Variants in LAMA4 observed in about 807,000 individuals in gnomAD.
LAMA4 encodes the protein laminin subunit alpha-4.
In LAMA4, 127 loss-of-function variants were observed where a neutral mutation model predicts 207.1. That is an observed-to-expected ratio of 0.61 (90% CI 0.53 to 0.71). The LOEUF (loss-of-function observed/expected upper bound fraction) is 0.71, where lower values mean the gene tolerates loss of function less well. LAMA4 is among the 30% of genes least tolerant of loss of function. LAMA4 has a pLI of 0.00. For synonymous variants in LAMA4, 761 were observed against 816.0 expected, an observed-to-expected ratio of 0.93 and a Z score of 1.15; for missense variants, 2,093 against 2,246.5, an observed-to-expected ratio of 0.93 and a Z score of 1.38.
At chr6:112,253,788 T>C (rs781935724) in intron 2 of LAMA4, 168 bp downstream of exon 2, 1 of 1,614,106 alleles carries the variant, frequency 6.2e-7, no homozygotes, top group South Asian at 1.1e-5. Context: ...CAAATGCAAC[T>C]TACAAAGGAA....
chr6:112,191,807 T>A lies in LAMA4; in HGVS notation c.547A>T (p.Thr183Ser). 1 of 1,614,116 alleles carries A rather than the reference T, an allele frequency of 6.2e-7. No individual in the cohort carries two copies. Among genetic ancestry groups the A allele is most frequent in the Non-Finnish European group, 8.5e-7 (1 of 1,180,000 alleles). The change falls in exon 6 of 39, where the codon ACC (threonine) becomes TCC (serine). Residue 183 changes from threonine (T) to serine (S), a missense_variant. By Grantham distance (58) the Thr-to-Ser change is moderately conservative (BLOSUM62 1). Around this residue, in one of 3 missense-constraint regions of LAMA4, gnomAD observed 1,704 missense variants for 1,788.4 expected, o/e 0.95. Coordinates refer to ENST00000230538, the MANE Select transcript of LAMA4 (RefSeq NM_001105206.3). ...CCACTGCAGTCACATTTCTTACAGGTGCTTCCAATGAGTAAGGGGTTTCCA... is the reference window on the plus strand; with the variant it reads ...CCACTGCAGTCACATTTCTTACAGGAGCTTCCAATGAGTAAGGGGTTTCCA... ...YYGNPLLIGS[T>S]CKKCDCSGNS...
chr6:112,204,292 G>C (rs1554353448), intron 4 of LAMA4, among the ~76,000 whole-genome samples: 1 of 152,146 alleles, frequency 6.6e-6, no homozygotes, highest in African/African-American at 2.4e-5. Context: ...ATAAATATCT[G>C]ATTGCATGTA....
At chr6:112,144,450 T>C (rs1554333997) in intron 19 of LAMA4, among the ~76,000 whole-genome samples, 1 of 152,232 alleles carries the variant, frequency 6.6e-6, no homozygotes, top group Non-Finnish European at 1.5e-5. Flanking sequence ...AATTGAGGCT[T>C]TTATTGAGGC....
intron 26 of LAMA4, 122 bp downstream of exon 26, chr6:112,134,345 G>T: frequency 1.1e-6 from 1 of 923,768 alleles, no homozygotes; most frequent in South Asian, 1.4e-5. Context: ...GTGTGTACCT[G>T]TGCCTGTCCC....
At chr6:112,229,038 C>T (rs73764718) in intron 2 of LAMA4, among the ~76,000 whole-genome samples, 4,546 of 152,252 alleles carry the variant, frequency 0.03, 219 homozygotes, top group African/African-American at 0.1. Flanking sequence ...AGGACTCTTT[C>T]AAATAATCAA....
chr6:112,178,171 T>C lies in LAMA4; in HGVS notation c.1139A>G (p.His380Arg), dbSNP rs1554344428. The change falls in exon 10 of 39, where the codon CAC becomes CGC. Residue 380 changes from histidine (H) to arginine (R), a missense_variant. Transcript: ENST00000230538. ...GGCTTGCTCTACCAGCTGACTTGCG[T>C]GGTTAATGGTGTCCATGCTTTCCTT... ...VQKESMDTIN[H>R]ASQLVEQAHD... 1.2e-6 allele frequency: 2 copies of C among 1,613,954 alleles called. No individual in the cohort carries two copies. Among genetic ancestry groups the C allele is most frequent in the East Asian group, 2.2e-5 (1 of 44,866 alleles).
At chr6:112,220,249 A>T (rs1554360146) in intron 2 of LAMA4, among the ~76,000 whole-genome samples, 1 of 152,190 alleles carries the variant, frequency 6.6e-6, no homozygotes, top group East Asian at 1.9e-4. Flanking sequence ...TTTATTATTA[A>T]GAGACTCCTA....
intron 6 of LAMA4, 66 bp from the exon 7 acceptor site, chr6:112,189,271 C>T (rs1007683406): frequency 2.6e-6 from 3 of 1,136,262 alleles, no homozygotes; most frequent in Non-Finnish European, 2.7e-6. Context: ...GCAATATTTT[C>T]CTGGTTTCTA....
chr6:112,133,036 C>A, intron 27 of LAMA4, 146 bp from the exon 28 acceptor site: 2 of 866,628 alleles, frequency 2.3e-6, no homozygotes, highest in Non-Finnish European at 3.7e-6. Context: ...GGAATTCAGG[C>A]ATACACTAGG....
At position 112,136,099 on chromosome 6, in the gene LAMA4, C is replaced by T. The variant is rs377638621; in HGVS notation, c.3414+24G>A. The T allele has an allele frequency of 7.5e-6, 12 of 1,607,216 alleles. No individual in the cohort carries two copies. The African/African-American group carries it at 1.6e-4, about 21-fold the overall frequency. ...TAAGTATAAAGAACAAAAACAAAACCAACCAAACTACAATGATTTGTACCT... is the reference window on the plus strand; with the variant it reads ...TAAGTATAAAGAACAAAAACAAAACTAACCAAACTACAATGATTTGTACCT... On this transcript the variant is annotated intron_variant, in intron 25 of 38. Coordinates refer to ENST00000230538, the MANE Select transcript of LAMA4 (RefSeq NM_001105206.3).
At chr6:112,150,236 GACACACACAGACAC>G (rs1780307187) in intron 17 of LAMA4, among the ~76,000 whole-genome samples, 1 of 135,344 alleles carries the variant, frequency 7.4e-6, no homozygotes, top group South Asian at 2.4e-4. Flanking sequence ...CACACACACA[GACACACACAGACAC>G]ACACACACAG....
At chr6:112,210,246 T>G (rs1236910612) in intron 3 of LAMA4, among the ~76,000 whole-genome samples, 1 of 151,944 alleles carries the variant, frequency 6.6e-6, no homozygotes, top group Admixed American at 6.6e-5. Context: ...GAAAGCAAGT[T>G]TATTGGCAAA....
intron 5 of LAMA4, among the ~76,000 whole-genome samples, chr6:112,199,883 G>A (rs1783633894): frequency 6.6e-6 from 1 of 151,666 alleles, no homozygotes; most frequent in African/African-American, 2.4e-5. Context: ...TTGAGTTTGT[G>A]AGCCCATCTG....
At chr6:112,184,573 T>C (rs1329013696) in intron 9 of LAMA4, among the ~76,000 whole-genome samples, 8 of 152,190 alleles carry the variant, frequency 5.3e-5, no homozygotes, top group Admixed American at 5.2e-4. Flanking sequence ...GTTTATTTAG[T>C]TGTTTTATTG....
In LAMA4 at chr6:112,109,117, T is replaced by C. The variant is rs1404304861; in HGVS notation, c.*320A>G. 9.1e-6 allele frequency: 3 copies of C among 328,642 alleles called. No individual in the cohort carries two copies. The highest frequency in any genetic ancestry group is 1.7e-5 in the Non-Finnish European group (3 of 173,726). The allele number at this position is 328,642 out of a possible 1,614,324, so 20.4% of individuals were successfully genotyped here. ...TGAGAATCTAGCCGCACTTCAAAAA[T>C]GTGTGCAAGTGTTTATTTGGAATCC... On this transcript the variant is annotated 3_prime_UTR_variant, in exon 39 of 39. Transcript: ENST00000230538.
chr6:112,246,994 A>G (rs1226366713), intron 2 of LAMA4, among the ~76,000 whole-genome samples: 1 of 152,272 alleles, frequency 6.6e-6, no homozygotes, highest in Non-Finnish European at 1.5e-5. Flanking sequence ...AATTTTAAGC[A>G]AAAGTTAAAA....
rs9384819 is a variant in LAMA4, at chr6:112,112,405, G to A, written c.5326+1671C>T. Among the ~76,000 whole-genome samples, 31 of 152,324 alleles carry A rather than the reference G, an allele frequency of 2.0e-4. No homozygotes were observed. In the East Asian group the frequency reaches 3.1e-3, roughly 15 times the overall value. ...GGGGAGATCCCGAAGGCAGGGACAA[G>A]GAGGAGACAGATGATCAGGGAGCTT... On this transcript the variant is annotated intron_variant, in intron 38 of 38. Transcript: ENST00000230538.
Position 112,207,048 on chromosome 6 carries a change from C to T in LAMA4, c.395G>A (p.Cys132Tyr). ...GGCCAAGTGGGGCAGGGGACAGGGG[C>T]ACGGCTGGCAGAATTGGGGTGCTCC... is the stretch of plus-strand genomic sequence containing the variant. ...IRGAPQFCQP[C>Y]PCPLPHLANF... Residue 132 changes from cysteine (C) to tyrosine (Y), a missense_variant, in exon 4 of 39, where the codon TGC becomes TAC. By Grantham distance (194) the Cys-to-Tyr change is radical. Around this residue, in one of 3 missense-constraint regions of LAMA4, gnomAD observed 1,704 missense variants for 1,788.4 expected, o/e 0.95. Transcript: ENST00000230538. The T allele has an allele frequency of 6.2e-7, 1 of 1,613,944 alleles. No homozygotes were observed. Among genetic ancestry groups the T allele is most frequent in the Non-Finnish European group, 8.5e-7 (1 of 1,179,950 alleles).
At chr6:112,208,217 T>A (rs1396745314) in intron 3 of LAMA4, among the ~76,000 whole-genome samples, 2 of 152,174 alleles carry the variant, frequency 1.3e-5, no homozygotes, top group Admixed American at 1.3e-4. Context: ...GCAATTGCCT[T>A]AGTCACACCG....
Sources: gnomAD v4.1 joint callset for allele counts (sites outside exome capture counted in the v4.1 genomes callset) on GRCh38, gnomAD v4.1.1 for gene constraint, gnomAD v4.1.1 regional missense constraint, MANE v1.5 for transcripts, NCBI Gene and HGNC (gene_info 2026-07-23, HGNC 2026-07-21) for gene names.